The following ADCY9 variants were observed in gnomAD, a reference collection of about 807,000 sequenced individuals.
ADCY9 encodes the protein adenylate cyclase type 9.
ADCY9 carries 50 observed loss-of-function variants against 101.5 expected under a neutral mutation model. The observed-to-expected ratio is 0.49, with a 90% CI of 0.39 to 0.62. The LOEUF (loss-of-function observed/expected upper bound fraction) is 0.62, where lower values mean the gene tolerates loss of function less well. ADCY9 is among the 20% of genes least tolerant of loss of function. ADCY9 has a pLI of 0.00. For missense variants in ADCY9, 1,662 were observed against 1,800.4 expected, an observed-to-expected ratio of 0.92 and a Z score of 1.39; for synonymous variants, 905 against 769.3, an observed-to-expected ratio of 1.18 and a Z score of -2.92.
chr16:4,040,418 T>C (rs1944151267), intron 2 of ADCY9, among the ~76,000 whole-genome samples: 1 of 152,158 alleles, frequency 6.6e-6, no homozygotes, highest in Non-Finnish European at 1.5e-5. Flanking sequence ...TCTTCTTCTT[T>C]ACTTAACAAA....
At chr16:3,989,467 C>G (rs935781712) in intron 5 of ADCY9, among the ~76,000 whole-genome samples, 1 of 152,154 alleles carries the variant, frequency 6.6e-6, no homozygotes, top group African/African-American at 2.4e-5. Context: ...CAATCTCCGC[C>G]TCCCAGGTTC....
At chr16:4,027,913 C>T (rs1325978996) in intron 2 of ADCY9, among the ~76,000 whole-genome samples, 2 of 151,852 alleles carry the variant, frequency 1.3e-5, no homozygotes, top group South Asian at 2.1e-4. Context: ...CATCAGATCT[C>T]GTGAGACTTA....
In ADCY9 at chr16:4,007,433, CCT is replaced by C; in HGVS notation, c.1817_1818del (p.Gln606ArgfsTer10). On this transcript the variant is annotated frameshift_variant, in exon 3 of 11. Transcript: ENST00000294016. LOFTEE classifies it high-confidence loss of function. ...CTGACATTCCCTGATGACGCTGTCC[CCT>C]GTCCCCTAGGGCCTGAGGACACCTG... ...GSQVSSGPRG[Q>X]GTASSGNVSD... is the part of the protein sequence containing the mutation. 1 of 1,613,934 alleles carries C rather than the reference CCT, an allele frequency of 6.2e-7. No homozygotes were observed.
intron 5 of ADCY9, among the ~76,000 whole-genome samples, chr16:3,956,636 G>T (rs1050634129): frequency 3.3e-5 from 5 of 150,272 alleles, no homozygotes; most frequent in Non-Finnish European, 7.4e-5. Flanking sequence ...GATTACAGGT[G>T]CATGCCACCA....
In ADCY9 at chr16:3,983,654, C is replaced by A; in HGVS notation, c.2311-214G>T. 5.2e-6 allele frequency: 3 copies of A among 572,994 alleles called. No homozygotes were observed. The South Asian group carries it at 6.6e-5, about 13-fold the overall frequency. 35.5% of individuals were successfully genotyped at this position (572,994 alleles called of 1,614,324 possible). On this transcript the variant is annotated intron_variant, in intron 6 of 10. Coordinates refer to ENST00000294016, the MANE Select transcript of ADCY9 (RefSeq NM_001116.4). ...AGTTAAACTTGCCCAGGGGGCTGGG[C>A]ACGGTGGCTCACGCCTGTAATCCCG...
chr16:4,108,098 G>A (rs1043442313), intron 2 of ADCY9, among the ~76,000 whole-genome samples: 5 of 152,348 alleles, frequency 3.3e-5, no homozygotes, highest in Middle Eastern at 6.8e-3. Context: ...GGGTGTGGAT[G>A]AGAGCGGAGG....
At chr16:4,007,291 G>C (rs1055546658) in intron 3 of ADCY9, 77 bp downstream of exon 3, 1 of 1,317,746 alleles carries the variant, frequency 7.6e-7, no homozygotes, top group Non-Finnish European at 1.0e-6. Flanking sequence ...CCTGGAGGCT[G>C]CTTATTATTT....
At chr16:4,060,317 G>A (rs1308430075) in intron 2 of ADCY9, among the ~76,000 whole-genome samples, 1 of 152,204 alleles carries the variant, frequency 6.6e-6, no homozygotes, top group Non-Finnish European at 1.5e-5. Context: ...TGCTCTGGAA[G>A]GCTGCACACA....
chr16:4,085,390 G>A (rs1041806476), intron 2 of ADCY9, among the ~76,000 whole-genome samples: 1 of 152,084 alleles, frequency 6.6e-6, no homozygotes, highest in Non-Finnish European at 1.5e-5. Flanking sequence ...GAAGGCACCA[G>A]GTTCCAAAAG....
chr16:4,004,714 G>C (rs971322903), intron 3 of ADCY9, among the ~76,000 whole-genome samples: 2 of 152,220 alleles, frequency 1.3e-5, no homozygotes, highest in African/African-American at 4.8e-5. Flanking sequence ...AAGAAACAAA[G>C]ATTTAAGATC....
chr16:4,002,320 AC>A (rs1298499938), intron 3 of ADCY9, among the ~76,000 whole-genome samples: 3 of 152,232 alleles, frequency 2.0e-5, no homozygotes, highest in Non-Finnish European at 2.9e-5. Context: ...AATTGGGCCA[AC>A]TGAGCCTACT....
intron 2 of ADCY9, among the ~76,000 whole-genome samples, chr16:4,081,376 C>G (rs560424105): frequency 6.6e-6 from 1 of 152,366 alleles, no homozygotes; most frequent in Non-Finnish European, 1.5e-5. Context: ...TCCAGAGGAG[C>G]TGGCCGCACA....
chr16:4,038,728 C>G (rs1355863796), intron 2 of ADCY9, among the ~76,000 whole-genome samples: 4 of 152,000 alleles, frequency 2.6e-5, no homozygotes, highest in African/African-American at 7.3e-5. Flanking sequence ...TCATCACTCC[C>G]CAACCATCCA....
intron 2 of ADCY9, among the ~76,000 whole-genome samples, chr16:4,069,272 G>GTTATTATTATTATTATTATTATTA (rs57466737): frequency 6.8e-6 from 1 of 147,354 alleles, no homozygotes; most frequent in African/African-American, 2.5e-5. Flanking sequence ...GTTGTTGTAA[G>GTTATTATTATTATTATTATTATTA]TTATTATTAT....
rs1487610376 is a variant in ADCY9 at position 3,992,442 on chromosome 16, G to A, written c.1990-79C>T. ...TGGGCACACACGCCTGTCCCACCCC[G>A]ACCTCCGCTGCGGGGCGCTGCTGCA... On this transcript the variant is annotated intron_variant, in intron 4 of 10. Coordinates refer to ENST00000294016, the MANE Select transcript of ADCY9 (RefSeq NM_001116.4). This position sits in a 1 kb window ranked among gnomAD's most constrained non-coding sequence, Gnocchi z 4.2. 1.1e-5 allele frequency: 15 copies of A among 1,354,670 alleles called. No individual in the cohort carries two copies. The Admixed American group carries it at 2.0e-4, about 18-fold the overall frequency. The allele number at this position is 1,354,670 out of a possible 1,614,324, so 83.9% of individuals were successfully genotyped here.
chr16:4,110,008 C>T (rs988839509), intron 2 of ADCY9, among the ~76,000 whole-genome samples: 5 of 152,200 alleles, frequency 3.3e-5, no homozygotes, highest in Non-Finnish European at 7.3e-5. Context: ...CACCTCTCCG[C>T]TCTGCCCTGG....
chr16:3,963,439 C>T lies in ADCY9; in HGVS notation c.*2336G>A. On this transcript the variant is annotated 3_prime_UTR_variant, in exon 11 of 11. Coordinates refer to ENST00000294016, the MANE Select transcript of ADCY9 (RefSeq NM_001116.4). ...CATCGGAGCAGGGGACGGGGAGGAC[C>T]CGAGGGGCTTCGTGGCCCAGAGAGA... 2.5e-6 allele frequency: 1 copy of T among 397,800 alleles called. No homozygotes were observed. The highest frequency in any genetic ancestry group is 4.4e-6 in the Non-Finnish European group (1 of 225,432). The allele number at this position is 397,800 out of a possible 1,614,324, so 24.6% of individuals were successfully genotyped here. A position where few individuals can be genotyped will look rare whatever the true frequency, so the allele number is the denominator to read the frequency against.
intron 2 of ADCY9, among the ~76,000 whole-genome samples, chr16:4,043,914 T>TA (rs2056644615): frequency 6.6e-6 from 1 of 152,010 alleles, no homozygotes; most frequent in Non-Finnish European, 1.5e-5. Flanking sequence ...GTGGGGCACT[T>TA]AAGTGCCACA....
At position 3,963,370 on chromosome 16, in the gene ADCY9, G is replaced by A. The variant is rs933872699; in HGVS notation, c.*2405C>T. The A allele has an allele frequency of 2.0e-5, 8 of 398,720 alleles. No homozygotes were observed. Among genetic ancestry groups the A allele is most frequent in the Admixed American group, 4.4e-5 (1 of 22,690 alleles). 24.7% of individuals were successfully genotyped at this position (398,720 alleles called of 1,614,324 possible). A position where few individuals can be genotyped will look rare whatever the true frequency, so the allele number is the denominator to read the frequency against. On this transcript the variant is annotated 3_prime_UTR_variant, in exon 11 of 11. Coordinates refer to ENST00000294016, the MANE Select transcript of ADCY9 (RefSeq NM_001116.4). ...CGCTGCCAACAGACAAGAGATGCAC[G>A]GCGTTTCCGCTGCAGAGATTCTGTG...
Sources: gnomAD v4.1 joint callset for allele counts (sites outside exome capture counted in the v4.1 genomes callset) on GRCh38, gnomAD v4.1.1 for gene constraint, Gnocchi (gnomAD v3.1) non-coding constraint, MANE v1.5 for transcripts, NCBI Gene and HGNC (gene_info 2026-07-23, HGNC 2026-07-21) for gene names.